CATSPERE: variants seen among roughly 807,000 people sequenced by gnomAD.
CATSPERE encodes catsper channel auxiliary subunit epsilon.
Under a neutral mutation model 114.1 loss-of-function variants are expected in CATSPERE, and 93 were observed. That is an observed-to-expected ratio of 0.81 (90% CI 0.69 to 0.97). The LOEUF (loss-of-function observed/expected upper bound fraction) is 0.97, where lower values mean the gene tolerates loss of function less well. CATSPERE is among the 50% of genes least tolerant of loss of function. The pLI is 0.00. For synonymous variants in CATSPERE, 341 were observed against 384.1 expected (o/e 0.89, Z 1.31); for missense variants, 1,058 against 1,131.6 (o/e 0.93, Z 0.93).
chr1:244,596,200 C>T (rs1387585931), intron 17 of CATSPERE, among the ~76,000 whole-genome samples: 1 of 152,188 alleles, frequency 6.6e-6, no homozygotes, highest in Non-Finnish European at 1.5e-5. Context: ...GTACAAATGC[C>T]ATGGCAATAA....
intron 2 of CATSPERE, among the ~76,000 whole-genome samples, chr1:244,476,218 C>G (rs1340602408): frequency 1.3e-5 from 2 of 152,044 alleles, no homozygotes; most frequent in African/African-American, 4.8e-5. Context: ...GGTAGGAGGA[C>G]TGCTTGAGGC....
intron 7 of CATSPERE, among the ~76,000 whole-genome samples, chr1:244,510,556 A>C (rs977739460): frequency 3.3e-5 from 5 of 152,128 alleles, no homozygotes; most frequent in African/African-American, 7.2e-5. Flanking sequence ...AACATTTCAC[A>C]TGTTGATTAA....
chr1:244,533,889 C>CTGA (rs1679978717), intron 8 of CATSPERE, among the ~76,000 whole-genome samples: 1 of 151,810 alleles, frequency 6.6e-6, no homozygotes, highest in African/African-American at 2.4e-5. Context: ...TGATTGCTCA[C>CTGA]TGTCTTTTTC....
intron 17 of CATSPERE, among the ~76,000 whole-genome samples, chr1:244,594,825 C>T (rs756905827): frequency 7.9e-5 from 12 of 152,128 alleles, no homozygotes; most frequent in Non-Finnish European, 1.6e-4. Flanking sequence ...GGCCCCTAAC[C>T]CTCGCCCATG....
intron 21 of CATSPERE, among the ~76,000 whole-genome samples, chr1:244,639,672 C>A (rs1226153884): frequency 1.4e-5 from 1 of 69,858 alleles, no homozygotes; most frequent in Non-Finnish European, 2.8e-5. Context: ...GAGGGAGACT[C>A]CATCTCAAAA....
At position 244,498,683 on chromosome 1, in the gene CATSPERE, AG is replaced by A. The variant is rs1299376740; in HGVS notation, c.352-317del. On this transcript the variant is annotated intron_variant, in intron 6 of 21. Transcript: ENST00000366534. ...GAGGCCAAGGCAGGCAGATCACCTG[AG>A]GTCAGGAGTTTGAGACCAACCTGGC... Among the ~76,000 whole-genome samples the A allele has an allele frequency of 2.0e-5, 3 of 152,192 alleles. No homozygotes were observed. The East Asian group carries it at 5.8e-4, about 29-fold the overall frequency.
intron 7 of CATSPERE, among the ~76,000 whole-genome samples, chr1:244,507,336 T>G (rs1317363693): frequency 2.6e-5 from 4 of 152,210 alleles, no homozygotes; most frequent in African/African-American, 9.6e-5. Flanking sequence ...TTCCATACTG[T>G]TTTCCATAGG....
At chr1:244,623,269 G>A (rs1672645447) in intron 20 of CATSPERE, among the ~76,000 whole-genome samples, 1 of 151,916 alleles carries the variant, frequency 6.6e-6, no homozygotes, top group Admixed American at 6.6e-5. Flanking sequence ...GTATAGATGG[G>A]GTTTTGCCAT....
Position 244,607,509 on chromosome 1 carries a change from C to T in CATSPERE, c.2403+1715C>T, listed in dbSNP as rs553596604. 1.1e-4 allele frequency among the ~76,000 whole-genome samples: 17 copies of T among 152,326 alleles called. No individual in the cohort carries two copies. The highest frequency in any genetic ancestry group is 1.9e-4 in the East Asian group (1 of 5,182). On this transcript the variant is annotated intron_variant, in intron 18 of 21. Transcript: ENST00000366534. This position sits in a 1 kb window ranked among gnomAD's most constrained non-coding sequence, Gnocchi z 4.4. ...TGGGAAAGTTTCTAAACAGGGACTACGTTTCCCAGATGCATTTGCATCTAG... is the reference window on the plus strand; with the variant it reads ...TGGGAAAGTTTCTAAACAGGGACTATGTTTCCCAGATGCATTTGCATCTAG...
chr1:244,561,610 C>T (rs1662574911), intron 10 of CATSPERE, among the ~76,000 whole-genome samples: 1 of 152,082 alleles, frequency 6.6e-6, no homozygotes, highest in African/African-American at 2.4e-5. Flanking sequence ...TTGTGTTATA[C>T]AGCACATATG....
intron 9 of CATSPERE, among the ~76,000 whole-genome samples, chr1:244,553,655 A>G (rs539147211): frequency 8.3e-6 from 1 of 119,808 alleles, no homozygotes; most frequent in East Asian, 1.9e-4. Flanking sequence ...ATACATATAT[A>G]TATAGTTGCT....
chr1:244,638,536 A>G (rs1023627233), intron 21 of CATSPERE, among the ~76,000 whole-genome samples: 4 of 152,184 alleles, frequency 2.6e-5, no homozygotes, highest in Non-Finnish European at 5.9e-5. Context: ...ATCTATATAC[A>G]CATGGCTCCC....
In CATSPERE at chr1:244,553,602, T is replaced by TACACACACACACAC. The variant is rs67626437; in HGVS notation, c.1029+818_1029+831dup. Among the ~76,000 whole-genome samples the TACACACACACACAC allele has an allele frequency of 4.1e-3, 380 of 91,936 alleles. 7 individuals are homozygous for TACACACACACACAC. The highest frequency in any genetic ancestry group is 9.1e-3 in the Admixed American group (63 of 6,944). 60.3% of individuals were successfully genotyped at this position (91,936 alleles called of 152,430 possible). A position where few individuals can be genotyped will look rare whatever the true frequency, so the allele number is the denominator to read the frequency against. On this transcript the variant is annotated intron_variant, in intron 9 of 21. Transcript: ENST00000366534. ...TCTCAAAAAAAAAAAAAAAAAAAAA[T>TACACACACACACAC]ACACACACACACACACACACACACA...
At position 244,481,164 on chromosome 1, in the gene CATSPERE, T is replaced by C. The variant is rs930351119; in HGVS notation, c.326+1380T>C. ...TGAGACTCTGTCTCATAAAATAAAA[T>C]AATAGGCCAGGCACAGTGGCTCACA... On this transcript the variant is annotated intron_variant, in intron 5 of 21. Coordinates refer to ENST00000366534, the MANE Select transcript of CATSPERE (RefSeq NM_001130957.2). Among the ~76,000 whole-genome samples, 4 of 152,060 alleles carry C rather than the reference T, an allele frequency of 2.6e-5. No homozygotes were observed. The South Asian group carries it at 8.3e-4, about 32-fold the overall frequency.
At chr1:244,615,826 A>C (rs949790676) in intron 19 of CATSPERE, among the ~76,000 whole-genome samples, 1 of 151,974 alleles carries the variant, frequency 6.6e-6, no homozygotes, top group Admixed American at 6.6e-5. Context: ...ATTTTCAAAA[A>C]TTTCAGGCCA....
At chr1:244,490,928 A>G (rs1220613210) in intron 6 of CATSPERE, among the ~76,000 whole-genome samples, 1 of 152,188 alleles carries the variant, frequency 6.6e-6, no homozygotes, top group African/African-American at 2.4e-5. Context: ...AATTTGTTAT[A>G]TAGTAAATAC....
chr1:244,617,730 A>C, intron 20 of CATSPERE, 44 bp downstream of exon 20: 2 of 1,451,180 alleles, frequency 1.4e-6, no homozygotes, highest in Non-Finnish European at 1.8e-6. Context: ...TTAGTTCTTC[A>C]AAATCTTTAT....
Position 244,463,956 on chromosome 1 carries a change from T to C in CATSPERE, c.114T>C (p.Thr38=). ...PNYRIFSTRS[T]IKLEYEGTLF... ...ATCGCATTTTTAGTACCAGAAGTAC[T>C]GTAAGTGTTGAATTTTTAATAAACT... Residue 38 remains threonine, a splice_region_variant and synonymous_variant, in exon 2 of 22, where the codon ACT becomes ACC. Transcript: ENST00000366534. 6.3e-7 allele frequency: 1 copy of C among 1,594,380 alleles called. No individual in the cohort carries two copies. The highest frequency in any genetic ancestry group is 8.6e-7 in the Non-Finnish European group (1 of 1,162,746).
intron 15 of CATSPERE, 69 bp from the exon 16 acceptor site, chr1:244,593,323 AAAC>A (rs1667968683): frequency 6.6e-7 from 1 of 1,525,338 alleles, no homozygotes; most frequent in Non-Finnish European, 9.0e-7. Flanking sequence ...CTCCTTACCT[AAAC>A]AAAGTCATGG....
Sources: allele counts gnomAD v4.1 joint callset (sites outside exome capture counted in the v4.1 genomes callset), GRCh38; gene constraint gnomAD v4.1.1; non-coding constraint Gnocchi (gnomAD v3.1); transcripts MANE v1.5; gene names NCBI Gene and HGNC (gene_info 2026-07-23, HGNC 2026-07-21).